Variants in FOXN3 observed in about 807,000 individuals in gnomAD.
The protein encoded by FOXN3 is forkhead box protein N3.
FOXN3 carries 7 observed loss-of-function variants against 38.4 expected under a neutral mutation model. That is an observed-to-expected ratio of 0.18 (90% CI 0.10 to 0.34). The LOEUF (loss-of-function observed/expected upper bound fraction) is 0.34, where lower values mean the gene tolerates loss of function less well. Among genes scored for constraint, FOXN3 ranks in the 10% least tolerant of loss-of-function variants. The probability of loss-of-function intolerance (pLI) is 1.00; values close to 1 mark genes in which losing one functional copy is unlikely to be tolerated. For synonymous variants in FOXN3, 230 were observed against 242.2 expected, an observed-to-expected ratio of 0.95 and a Z score of 0.47; for missense variants, 456 against 613.4, an observed-to-expected ratio of 0.74 and a Z score of 2.71.
At position 89,350,803 on chromosome 14, in the gene FOXN3, A is replaced by G. The variant is rs375762381; in HGVS notation, c.549T>C (p.Ile183=). ...CTATGCACCACAACGACCCTTTCCC[A>G]ATACTCTGCAAAGAAAATTAAAATA... ...KKVDKERSQS[I]GKGSLWCIDP... Residue 183 remains isoleucine (I), a synonymous_variant, in exon 3 of 6, where the codon ATT becomes ATC. Transcript: ENST00000557258. The G allele has an allele frequency of 3.9e-6, 6 of 1,546,234 alleles. No homozygotes were observed. The highest frequency in any genetic ancestry group is 5.2e-6 in the Non-Finnish European group (6 of 1,153,818).
chr14:89,292,137 C>T (rs761871053), intron 3 of FOXN3, among the ~76,000 whole-genome samples: 10 of 152,264 alleles, frequency 6.6e-5, no homozygotes, highest in Admixed American at 1.3e-4. Flanking sequence ...TTTCTGCCTG[C>T]GCGTGCATCT....
At chr14:89,401,204 G>A (rs1891234217) in intron 2 of FOXN3, among the ~76,000 whole-genome samples, 1 of 152,118 alleles carries the variant, frequency 6.6e-6, no homozygotes, top group African/African-American at 2.4e-5. Flanking sequence ...CACTTTGGGA[G>A]GTTGAGGCGG....
At chr14:89,440,755 G>A (rs893205467) in intron 1 of FOXN3, among the ~76,000 whole-genome samples, 2 of 152,174 alleles carry the variant, frequency 1.3e-5, no homozygotes, top group Admixed American at 6.5e-5. Context: ...CAGCCTTGTT[G>A]CTCACACAAA....
At position 89,256,183 on chromosome 14, in the gene FOXN3, CA is replaced by C. The variant is rs533140744; in HGVS notation, c.745+24766del. The stretch of plus-strand genomic sequence containing the variant: ...CCTCAAGGACACCTGTTGTCATTTT[CA>C]AGGGGAAAATCGAGTTTTTCAATGA... On this transcript the variant is annotated intron_variant, in intron 4 of 5. Transcript: ENST00000557258. Among the ~76,000 whole-genome samples, 72 of 152,294 alleles carry C rather than the reference CA, an allele frequency of 4.7e-4. 1 individual carries two copies. In the East Asian group the frequency reaches 0.012, roughly 25 times the overall value.
intron 2 of FOXN3, among the ~76,000 whole-genome samples, chr14:89,387,307 AC>A (rs754677730): frequency 1.3e-5 from 2 of 152,198 alleles, no homozygotes; most frequent in Non-Finnish European, 2.9e-5. Context: ...GGGGGGAGAC[AC>A]AATTCAATCT....
chr14:89,402,894 T>A (rs571911223), intron 2 of FOXN3, among the ~76,000 whole-genome samples: 1 of 152,382 alleles, frequency 6.6e-6, no homozygotes, highest in South Asian at 2.1e-4. Context: ...AGCCTCCTTC[T>A]GATCAATCCA....
chr14:89,367,989 T>C (rs1270855105), intron 2 of FOXN3, among the ~76,000 whole-genome samples: 1 of 152,180 alleles, frequency 6.6e-6, no homozygotes, highest in Non-Finnish European at 1.5e-5. Flanking sequence ...GCTGCTGACC[T>C]CGGCAGGTGT....
chr14:89,326,606 GCAAA>G (rs973568211), intron 3 of FOXN3, among the ~76,000 whole-genome samples: 15 of 152,126 alleles, frequency 9.9e-5, no homozygotes, highest in African/African-American at 3.1e-4. Flanking sequence ...TGTCGAGAGA[GCAAA>G]CAAACAGGGC....
chr14:89,253,688 A>C (rs7152783), intron 4 of FOXN3, among the ~76,000 whole-genome samples: 1 of 151,982 alleles, frequency 6.6e-6, no homozygotes, highest in South Asian at 2.1e-4. Flanking sequence ...TATGTGTCTA[A>C]GGCCTTCTAA....
At chr14:89,421,337 G>A (rs1327839674), upstream of FOXN3, among the ~76,000 whole-genome samples, 3 of 150,892 alleles carry the variant, frequency 2.0e-5, no homozygotes, top group African/African-American at 2.4e-5. Flanking sequence ...TTATAGAGAC[G>A]GGGTTTCTCC....
At chr14:89,299,527 T>C (rs116331071) in intron 3 of FOXN3, among the ~76,000 whole-genome samples, 2,135 of 152,302 alleles carry the variant, frequency 0.014, 46 homozygotes, top group African/African-American at 0.048. Context: ...GAGGCTTTGC[T>C]CTATCCCATG....
At chr14:89,213,233 A>G (rs1160795225) in intron 4 of FOXN3, among the ~76,000 whole-genome samples, 1 of 152,162 alleles carries the variant, frequency 6.6e-6, no homozygotes, top group Non-Finnish European at 1.5e-5. Flanking sequence ...CTTGCCTTTC[A>G]CCAAGGGCCT....
intron 2 of FOXN3, among the ~76,000 whole-genome samples, chr14:89,364,159 G>C (rs1890055825): frequency 6.7e-6 from 1 of 149,996 alleles, no homozygotes; most frequent in African/African-American, 2.5e-5. Context: ...GAAGAAGAGA[G>C]GCAAAAAGAA....
intron 3 of FOXN3, among the ~76,000 whole-genome samples, chr14:89,306,336 A>ACAGACACACAGACGCATG (rs1887371859): frequency 3.2e-5 from 1 of 31,082 alleles, no homozygotes; most frequent in Non-Finnish European, 1.0e-4. Context: ...AGACGCATGC[A>ACAGACACACAGACGCATG]CACACACACA....
intron 1 of FOXN3, among the ~76,000 whole-genome samples, chr14:89,466,639 G>A (rs1892979647): frequency 6.6e-6 from 1 of 152,166 alleles, no homozygotes; most frequent in African/African-American, 2.4e-5. Context: ...AGGAAGTGCT[G>A]CAAGGGAGGT....
rs1892226859 is a variant in FOXN3, at chr14:89,434,221, C to G, written c.-14-21731G>C. Among the ~76,000 whole-genome samples the G allele has an allele frequency of 2.4e-5, 3 of 124,732 alleles. No homozygotes were observed. The Admixed American group carries it at 2.5e-4, about 10-fold the overall frequency. 81.8% of individuals were successfully genotyped at this position (124,732 alleles called of 152,430 possible). ...TACAGACGTGAGTCACTGCGCAAGC[C>G]TTTTTTTTTTTTTTTTTTTAAGATG... On this transcript the variant is annotated intron_variant, in intron 1 of 6. Transcript: ENST00000345097.
At chr14:89,493,078 G>T (rs556952667) in intron 1 of FOXN3, among the ~76,000 whole-genome samples, 1 of 152,312 alleles carries the variant, frequency 6.6e-6, no homozygotes, top group East Asian at 1.9e-4. Context: ...ACAGCCCAAA[G>T]AGCTGTCTGC....
rs1596190145 is a variant in FOXN3 at position 89,332,223 on chromosome 14, G to C, written c.680+18449C>G. Reference sequence around the variant, plus strand: ...CTGTTGAACAGCGCAGAGAGGGGCAGACACCCTGCACAGTTAACTATGACT... The same window carrying C: ...CTGTTGAACAGCGCAGAGAGGGGCACACACCCTGCACAGTTAACTATGACT... On this transcript the variant is annotated intron_variant, in intron 3 of 5. Transcript: ENST00000557258. Among the ~76,000 whole-genome samples, 4 of 152,222 alleles carry C rather than the reference G, an allele frequency of 2.6e-5. No homozygotes were observed. The Middle Eastern group carries it at 0.01, about 388-fold the overall frequency.
chr14:89,362,746 TCCACCA>T (rs71130063), intron 2 of FOXN3, among the ~76,000 whole-genome samples: 18 of 1,564 alleles, frequency 0.012, 1 homozygote, highest in African/African-American at 0.025. Context: ...CACCACCATC[TCCACCA>T]CCACCACCAC....
Sources: gnomAD v4.1 joint callset for allele counts (sites outside exome capture counted in the v4.1 genomes callset) on GRCh38, gnomAD v4.1.1 for gene constraint, MANE v1.5 for transcripts, NCBI Gene and HGNC (gene_info 2026-07-23, HGNC 2026-07-21) for gene names.